Variants in IL1RAPL1 observed in about 807,000 individuals in gnomAD.
The protein encoded by IL1RAPL1 is interleukin 1 receptor accessory protein like 1.
IL1RAPL1 carries 3 observed loss-of-function variants against 48.4 expected under a neutral mutation model. The ratio of observed to expected loss-of-function variants is 0.06; its 90% CI spans 0.03 to 0.16. The LOEUF (loss-of-function observed/expected upper bound fraction) is 0.16, where lower values mean the gene tolerates loss of function less well. Ranked by LOEUF, IL1RAPL1 falls within the 10% of genes least tolerant of loss-of-function variation. IL1RAPL1 has a pLI of 1.00. For synonymous variants in IL1RAPL1, 185 were observed against 187.7 expected (o/e 0.99, Z 0.12); for missense variants, 349 against 530.6 (o/e 0.66, Z 3.36).
chrX:29,046,264 C>T (rs1427577922), intron 2 of IL1RAPL1, among the ~76,000 whole-genome samples: 1 of 110,278 alleles, frequency 9.1e-6, no homozygotes, highest in Non-Finnish European at 1.9e-5. Flanking sequence ...TACTATGTTA[C>T]CCAGACTGGT....
intron 6 of IL1RAPL1, among the ~76,000 whole-genome samples, chrX:29,710,178 G>A (rs1927300630): frequency 9.0e-6 from 1 of 111,293 alleles, no homozygotes; most frequent in Non-Finnish European, 1.9e-5. Flanking sequence ...ATTGCCCCAG[G>A]TAGGATTTTC....
At chrX:29,084,108 T>C (rs1054607310) in intron 2 of IL1RAPL1, among the ~76,000 whole-genome samples, 5 of 111,783 alleles carry the variant, frequency 4.5e-5, no homozygotes, top group Non-Finnish European at 9.4e-5. Flanking sequence ...TGAGCTATTA[T>C]GTGCTGACTT....
intron 5 of IL1RAPL1, among the ~76,000 whole-genome samples, chrX:29,482,790 C>T (rs1410710665): frequency 1.8e-5 from 2 of 111,862 alleles, no homozygotes; most frequent in Non-Finnish European, 3.8e-5. Context: ...CTTCCTGTAC[C>T]CATCACCCAG....
intron 5 of IL1RAPL1, among the ~76,000 whole-genome samples, chrX:29,410,721 A>T (rs750172390): frequency 8.0e-5 from 9 of 111,912 alleles, no homozygotes; most frequent in Admixed American, 1.9e-4. Context: ...GTTCTTTTTT[A>T]AAAAAAGAAA....
At chrX:29,210,025 G>A (rs1930740733) in intron 2 of IL1RAPL1, among the ~76,000 whole-genome samples, 1 of 111,968 alleles carries the variant, frequency 8.9e-6, no homozygotes, top group Non-Finnish European at 1.9e-5. Flanking sequence ...TACTTGGCAG[G>A]TGAAAGTCAA....
At chrX:29,668,525 A>C (rs772213491) in intron 6 of IL1RAPL1, 21 bp downstream of exon 6, 2 of 1,053,570 alleles carry the variant, frequency 1.9e-6, no homozygotes, top group Non-Finnish European at 2.7e-6. Context: ...CCTTAATTCT[A>C]GTTAATATGC....
chrX:29,004,244 A>G (rs1385480638), intron 2 of IL1RAPL1, among the ~76,000 whole-genome samples: 1 of 112,915 alleles, frequency 8.9e-6, no homozygotes, highest in Non-Finnish European at 1.9e-5. Flanking sequence ...ATATGCTTAT[A>G]AAATATTTTT....
chrX:29,323,252 C>CT (rs1389287301), intron 3 of IL1RAPL1, among the ~76,000 whole-genome samples: 1 of 111,544 alleles, frequency 9.0e-6, no homozygotes, highest in Non-Finnish European at 1.9e-5. Flanking sequence ...TCTCAATTCT[C>CT]TATCTCCATG....
chrX:28,960,790 C>T (rs953493701), intron 2 of IL1RAPL1, among the ~76,000 whole-genome samples: 1 of 110,216 alleles, frequency 9.1e-6, no homozygotes, highest in African/African-American at 3.3e-5. Flanking sequence ...GGGCGGATTC[C>T]GAGGTCAGGA....
intron 2 of IL1RAPL1, among the ~76,000 whole-genome samples, chrX:29,050,238 T>C (rs1047431863): frequency 3.6e-5 from 4 of 111,923 alleles, no homozygotes; most frequent in African/African-American, 1.3e-4. Flanking sequence ...GATTACCGAT[T>C]GAGTATTGCA....
At position 29,265,041 on chromosome X, in the gene IL1RAPL1, T is replaced by A. The variant is rs185047633; in HGVS notation, c.83-17897T>A. 8.9e-4 allele frequency among the ~76,000 whole-genome samples: 99 copies of A among 111,160 alleles called. 1 individual carries two copies. The highest frequency in any genetic ancestry group is 1.3e-3 in the Non-Finnish European group (70 of 53,006). On this transcript the variant is annotated intron_variant, in intron 2 of 10. Coordinates refer to ENST00000378993, the MANE Select transcript of IL1RAPL1 (RefSeq NM_014271.4). ...GATTCTCGTGCCCCAGCTTCCCGAG[T>A]AGCTGGGATTGCAGGCATACGCCAC... is the stretch of plus-strand genomic sequence containing the variant.
At chrX:29,715,666 C>T (rs979010051) in intron 6 of IL1RAPL1, among the ~76,000 whole-genome samples, 5 of 111,504 alleles carry the variant, frequency 4.5e-5, no homozygotes, top group African/African-American at 1.6e-4. Flanking sequence ...CCTGCTTCTT[C>T]CACTCTCCTT....
At chrX:28,645,093 A>T (rs1934591753) in intron 1 of IL1RAPL1, among the ~76,000 whole-genome samples, 2 of 110,315 alleles carry the variant, frequency 1.8e-5, no homozygotes, top group African/African-American at 6.6e-5. Flanking sequence ...CACACCTGTA[A>T]TCCCAGCACT....
intron 1 of IL1RAPL1, among the ~76,000 whole-genome samples, chrX:28,611,496 ACTGC>A (rs1190009519): frequency 8.9e-6 from 1 of 112,508 alleles, no homozygotes; most frequent in East Asian, 2.8e-4. Context: ...AAAATTAATA[ACTGC>A]CTATTAACTA....
At chrX:28,652,497 T>C (rs1340045378) in intron 1 of IL1RAPL1, among the ~76,000 whole-genome samples, 2 of 111,849 alleles carry the variant, frequency 1.8e-5, no homozygotes, top group Non-Finnish European at 3.8e-5. Flanking sequence ...TACTGTATAA[T>C]GCCGTTCTTT....
intron 2 of IL1RAPL1, among the ~76,000 whole-genome samples, chrX:29,060,287 C>T (rs1477424341): frequency 8.9e-6 from 1 of 111,748 alleles, no homozygotes; most frequent in Non-Finnish European, 1.9e-5. Context: ...TAAGTCATTT[C>T]ATTATCATTT....
chrX:29,161,365 G>C (rs983427704), intron 2 of IL1RAPL1, among the ~76,000 whole-genome samples: 1 of 111,548 alleles, frequency 9.0e-6, no homozygotes, highest in African/African-American at 3.3e-5. Context: ...CATAATCAAG[G>C]AAACAATCTT....
At chrX:29,472,576 C>T (rs758776925) in intron 5 of IL1RAPL1, among the ~76,000 whole-genome samples, 1 of 111,810 alleles carries the variant, frequency 8.9e-6, no homozygotes, top group Non-Finnish European at 1.9e-5. Context: ...ATTTCCATTA[C>T]TCACTCAGCT....
At chrX:29,680,739 T>C (rs1404274352) in intron 6 of IL1RAPL1, among the ~76,000 whole-genome samples, 2 of 112,064 alleles carry the variant, frequency 1.8e-5, no homozygotes, top group Non-Finnish European at 3.8e-5. Context: ...GAGGGTAGAA[T>C]GACCCATCCT....
Sources: gnomAD v4.1 joint callset for allele counts (sites outside exome capture counted in the v4.1 genomes callset) on GRCh38, gnomAD v4.1.1 for gene constraint, MANE v1.5 for transcripts, NCBI Gene and HGNC (gene_info 2026-07-23, HGNC 2026-07-21) for gene names.